TMEM272: variants seen among roughly 807,000 people sequenced by gnomAD.
The protein encoded by TMEM272 is transmembrane protein 272.
A neutral mutation model predicts 3.7 loss-of-function variants in TMEM272; 8 were observed. That is an observed-to-expected ratio of 2.17 (90% CI 1.27 to 3.91). TMEM272 has a LOEUF of 3.91. Among genes scored for constraint, TMEM272 ranks in the 30% most tolerant of loss-of-function variants. TMEM272 has a pLI of 0.00. For synonymous variants in TMEM272, 63 were observed against 39.8 expected, an observed-to-expected ratio of 1.58 and a Z score of -2.20; for missense variants, 166 against 91.5, an observed-to-expected ratio of 1.81 and a Z score of -3.32.
intron 3 of TMEM272, among the ~76,000 whole-genome samples, chr13:51,825,192 T>TA (rs1324928831): frequency 6.6e-6 from 1 of 152,244 alleles, no homozygotes; most frequent in Non-Finnish European, 1.5e-5. Flanking sequence ...TGTTCACTCT[T>TA]ACACTAAATG....
chr13:51,924,587 G>C, the TMEM272 span, among the ~76,000 whole-genome samples: 2 of 152,072 alleles, frequency 1.3e-5, no homozygotes, highest in African/African-American at 2.4e-5. Flanking sequence ...GGCAGAGAGG[G>C]GATGGTGGAG....
the TMEM272 span, among the ~76,000 whole-genome samples, chr13:51,871,260 G>A: frequency 6.7e-5 from 10 of 149,754 alleles, no homozygotes; most frequent in African/African-American, 1.5e-4. Flanking sequence ...GCGCAATCTC[G>A]GCTCACTGCA....
At chr13:51,920,878 G>A in the TMEM272 span, among the ~76,000 whole-genome samples, 1 of 152,324 alleles carries the variant, frequency 6.6e-6, no homozygotes, top group East Asian at 1.9e-4. Flanking sequence ...AGTATTTATT[G>A]CAAGTGGACT....
At chr13:51,907,598 A>T in the TMEM272 span, among the ~76,000 whole-genome samples, 1 of 152,054 alleles carries the variant, frequency 6.6e-6, no homozygotes, top group African/African-American at 2.4e-5. Context: ...ACCTTGCCTC[A>T]CTCATTCCTT....
chr13:51,831,417 T>G (rs1414775269), intron 2 of TMEM272, among the ~76,000 whole-genome samples: 1 of 152,040 alleles, frequency 6.6e-6, no homozygotes, highest in Non-Finnish European at 1.5e-5. Context: ...GTGCAAGACC[T>G]CATCTAAATA....
At chr13:51,865,280 C>T in the TMEM272 span, 13 of 940,184 alleles carry the variant, frequency 1.4e-5, no homozygotes, top group African/African-American at 3.3e-5. Context: ...AACCAAGGGC[C>T]GTCCCCTGGC....
At chr13:51,895,940 T>C in the TMEM272 span, among the ~76,000 whole-genome samples, 1 of 152,192 alleles carries the variant, frequency 6.6e-6, no homozygotes, top group Non-Finnish European at 1.5e-5. Context: ...ATTTCCCACA[T>C]AGCAACCAAC....
At chr13:51,826,529 T>C in intron 3 of TMEM272, 37 bp downstream of exon 3, 1 of 702,514 alleles carries the variant, frequency 1.4e-6, no homozygotes, top group Non-Finnish European at 2.6e-6. Flanking sequence ...CCAACCTGGC[T>C]GACCTGTGGC....
the TMEM272 span, among the ~76,000 whole-genome samples, chr13:51,875,508 A>C: frequency 6.6e-6 from 1 of 152,202 alleles, no homozygotes; most frequent in Non-Finnish European, 1.5e-5. Flanking sequence ...CCTGGTTTTG[A>C]TGCCAAGGCC....
At chr13:51,930,021 G>C in the TMEM272 span, among the ~76,000 whole-genome samples, 1 of 152,202 alleles carries the variant, frequency 6.6e-6, no homozygotes, top group African/African-American at 2.4e-5. Context: ...GAGCAGGAAG[G>C]CTTTGCTCCC....
chr13:51,911,141 C>G, the TMEM272 span, among the ~76,000 whole-genome samples: 5 of 152,234 alleles, frequency 3.3e-5, no homozygotes, highest in African/African-American at 1.2e-4. Context: ...GAAATCATTA[C>G]TTTGGGTGCT....
chr13:51,858,893 G>A, the TMEM272 span, among the ~76,000 whole-genome samples: 4 of 152,042 alleles, frequency 2.6e-5, no homozygotes, highest in Non-Finnish European at 4.4e-5. Context: ...CCATCCACCC[G>A]GTGGCAGGTC....
intron 2 of TMEM272, among the ~76,000 whole-genome samples, chr13:51,827,665 G>A (rs910544122): frequency 1.3e-5 from 2 of 152,096 alleles, no homozygotes; most frequent in African/African-American, 2.4e-5. Flanking sequence ...GAACCTCATG[G>A]TAGCTTCTGT....
chr13:51,898,203 C>A, the TMEM272 span, among the ~76,000 whole-genome samples: 2 of 145,636 alleles, frequency 1.4e-5, no homozygotes, highest in East Asian at 4.0e-4. Context: ...GGTAACAGAG[C>A]GAGACTCCAT....
chr13:51,891,797 G>C, the TMEM272 span, among the ~76,000 whole-genome samples: 1 of 152,186 alleles, frequency 6.6e-6, no homozygotes, highest in African/African-American at 2.4e-5. Context: ...TGAGTATTTG[G>C]AAAGAGTATT....
At chr13:51,873,940 T>C in the TMEM272 span, among the ~76,000 whole-genome samples, 1 of 152,248 alleles carries the variant, frequency 6.6e-6, no homozygotes, top group Non-Finnish European at 1.5e-5. Flanking sequence ...TTCCGTCTCA[T>C]CTGTGAAAGT....
At chr13:51,885,751 G>A in the TMEM272 span, among the ~76,000 whole-genome samples, 1 of 152,158 alleles carries the variant, frequency 6.6e-6, no homozygotes, top group Non-Finnish European at 1.5e-5. Flanking sequence ...TCCCCTCCTA[G>A]GCACTTCCCT....
chr13:51,824,977 C>G (rs1489030276), intron 3 of TMEM272, among the ~76,000 whole-genome samples: 1 of 152,160 alleles, frequency 6.6e-6, no homozygotes, highest in Non-Finnish European at 1.5e-5. Context: ...AGAAAGGTAA[C>G]TAACCACAGG....
At chr13:51,859,416 A>T in the TMEM272 span, among the ~76,000 whole-genome samples, 18 of 151,824 alleles carry the variant, frequency 1.2e-4, no homozygotes, top group African/African-American at 3.9e-4. Context: ...TGAGGCTCTC[A>T]CAAGAAGGAA....
Sources: allele counts gnomAD v4.1 joint callset (sites outside exome capture counted in the v4.1 genomes callset), GRCh38; gene constraint gnomAD v4.1.1; transcripts MANE v1.5; gene names NCBI Gene and HGNC (gene_info 2026-07-23, HGNC 2026-07-21).